Variants in NEMP2 observed in about 807,000 individuals in gnomAD.
NEMP2 encodes the protein nuclear envelope integral membrane protein 2, also known as UPF0571 transmembrane protein.
Under a neutral mutation model 54.2 loss-of-function variants are expected in NEMP2, and 53 were observed. That is an observed-to-expected ratio of 0.98 (90% CI 0.78 to 1.23). The LOEUF is 1.23. NEMP2 is among the 50% of genes most tolerant of loss of function. The probability of loss-of-function intolerance (pLI) is 0.00; values close to 1 mark genes in which losing one functional copy is unlikely to be tolerated. For missense variants in NEMP2, 455 were observed against 511.3 expected (o/e 0.89, Z 1.06); for synonymous variants, 197 against 190.3 (o/e 1.04, Z -0.29).
At chr2:190,622,076 G>C in the NEMP2 span, among the ~76,000 whole-genome samples, 1 of 152,066 alleles carries the variant, frequency 6.6e-6, no homozygotes, top group Non-Finnish European at 1.5e-5. Context: ...CTCCAGCCTG[G>C]GGAGTGAGAC....
chr2:190,602,067 T>G, the NEMP2 span, among the ~76,000 whole-genome samples: 2 of 152,178 alleles, frequency 1.3e-5, no homozygotes, highest in African/African-American at 4.8e-5. Flanking sequence ...AATATGATTT[T>G]ATTAATGTAT....
chr2:190,627,748 C>G, the NEMP2 span: 3 of 152,224 alleles, frequency 2.0e-5, no homozygotes, highest in East Asian at 5.8e-4. The surrounding 1 kb of genome is among the most constrained non-coding windows in gnomAD (Gnocchi z 4.4). Context: ...AGATGTGCCA[C>G]CAAAGAATAG....
chr2:190,468,647 C>T, the NEMP2 span, among the ~76,000 whole-genome samples: 1,187 of 142,078 alleles, frequency 8.4e-3, 12 homozygotes, highest in African/African-American at 0.029. Context: ...TTGGTAGAGA[C>T]AGGTTCTCAC....
the NEMP2 span, among the ~76,000 whole-genome samples, chr2:190,644,411 A>T: frequency 2.0e-5 from 3 of 152,282 alleles, no homozygotes; most frequent in East Asian, 3.9e-4. This position sits in a 1 kb window ranked among gnomAD's most constrained non-coding sequence, Gnocchi z 4.4. Context: ...TTTACCATTG[A>T]CTGGTCTTGT....
chr2:190,632,297 C>A, the NEMP2 span, among the ~76,000 whole-genome samples: 2 of 152,178 alleles, frequency 1.3e-5, no homozygotes, highest in East Asian at 3.9e-4. The surrounding 1 kb of genome is among the most constrained non-coding windows in gnomAD (Gnocchi z 4.8). Context: ...CCATGTAGGG[C>A]CCCAACCTGG....
the NEMP2 span, among the ~76,000 whole-genome samples, chr2:190,642,311 G>A: frequency 6.6e-6 from 1 of 152,118 alleles, no homozygotes; most frequent in Non-Finnish European, 1.5e-5. This position sits in a 1 kb window ranked among gnomAD's most constrained non-coding sequence, Gnocchi z 4.1. Context: ...TAAACTAGTT[G>A]TATGATGAAT....
At chr2:190,485,711 A>G in the NEMP2 span, among the ~76,000 whole-genome samples, 1 of 152,228 alleles carries the variant, frequency 6.6e-6, no homozygotes, top group East Asian at 1.9e-4. This position sits in a 1 kb window ranked among gnomAD's most constrained non-coding sequence, Gnocchi z 5.1. Flanking sequence ...GGGTATTGCA[A>G]TTGTTTTGCC....
the NEMP2 span, among the ~76,000 whole-genome samples, chr2:190,581,125 G>C: frequency 6.6e-6 from 1 of 152,052 alleles, no homozygotes; most frequent in Non-Finnish European, 1.5e-5. Flanking sequence ...TAAAAACCAG[G>C]AATTATGCAA....
chr2:190,450,989 T>C, the NEMP2 span, among the ~76,000 whole-genome samples: 1,105 of 152,320 alleles, frequency 7.3e-3, 8 homozygotes, highest in Middle Eastern at 0.027. Flanking sequence ...GTTATAACCA[T>C]TGGCCAAGCA....
the NEMP2 span, among the ~76,000 whole-genome samples, chr2:190,478,729 G>A: frequency 1.2e-3 from 181 of 151,628 alleles, no homozygotes; most frequent in Non-Finnish European, 2.0e-3. Context: ...GGAAGGGGAA[G>A]GCTGGGGAAT....
At chr2:190,478,621 G>C in the NEMP2 span, among the ~76,000 whole-genome samples, 54 of 152,128 alleles carry the variant, frequency 3.5e-4, no homozygotes, top group African/African-American at 1.1e-3. Context: ...ACAAATCACT[G>C]AATGATTTCA....
At chr2:190,535,585 T>G (rs1691349962), upstream of NEMP2, among the ~76,000 whole-genome samples, 1 of 152,192 alleles carries the variant, frequency 6.6e-6, no homozygotes, top group South Asian at 2.1e-4. Context: ...GTGAGATATC[T>G]TAGAGAACCC....
At chr2:190,500,364 C>T (rs988723905), downstream of NEMP2, 2 of 793,250 alleles carry the variant, frequency 2.5e-6, no homozygotes, top group Non-Finnish European at 3.9e-6. The surrounding 1 kb of genome is among the most constrained non-coding windows in gnomAD (Gnocchi z 5.3). Flanking sequence ...AACATGGAAA[C>T]ACACACACAG....
chr2:190,469,882 A>G, the NEMP2 span: 2 of 1,508,816 alleles, frequency 1.3e-6, no homozygotes, highest in Admixed American at 1.7e-5. The surrounding 1 kb of genome is among the most constrained non-coding windows in gnomAD (Gnocchi z 5.3). Flanking sequence ...GATTGAAATT[A>G]TTTCTCTGCC....
At chr2:190,643,194 C>G in the NEMP2 span, among the ~76,000 whole-genome samples, 1 of 152,030 alleles carries the variant, frequency 6.6e-6, no homozygotes, top group Admixed American at 6.5e-5. Context: ...TCCAAGGGGG[C>G]TTACTGTATA....
chr2:190,560,488 T>C, the NEMP2 span, among the ~76,000 whole-genome samples: 1 of 152,248 alleles, frequency 6.6e-6, no homozygotes, highest in Non-Finnish European at 1.5e-5. The surrounding 1 kb of genome is among the most constrained non-coding windows in gnomAD (Gnocchi z 5.4). Flanking sequence ...AATTATACTC[T>C]AACAGCATAC....
At chr2:190,599,001 A>G in the NEMP2 span, among the ~76,000 whole-genome samples, 2 of 151,982 alleles carry the variant, frequency 1.3e-5, no homozygotes, top group Admixed American at 6.6e-5. Flanking sequence ...CTTTTTCTCA[A>G]TTTGTTTCAA....
chr2:190,429,487 A>G, the NEMP2 span, among the ~76,000 whole-genome samples: 2 of 151,980 alleles, frequency 1.3e-5, no homozygotes, highest in Non-Finnish European at 2.9e-5. Context: ...CACCATGCCC[A>G]GCTAATTTTT....
rs1244349994 is a variant in NEMP2 at position 190,531,474 on chromosome 2, C to T, written c.97+3085G>A. Among the ~76,000 whole-genome samples, 1 of 152,192 alleles carries T rather than the reference C, an allele frequency of 6.6e-6. No individual in the cohort carries two copies. Among genetic ancestry groups the T allele is most frequent in the African/African-American group, 2.4e-5 (1 of 41,444 alleles). ...CAGGCTCTTTGATGCTTTCAATTAA[C>T]CTGACTTCTAGAGAACAGTATATTT... is the stretch of plus-strand genomic sequence containing the variant. On this transcript the variant is annotated intron_variant, in intron 1 of 8. Coordinates refer to ENST00000409150, the MANE Select transcript of NEMP2 (RefSeq NM_001142645.2). The surrounding 1 kb of genome is among the most constrained non-coding windows in gnomAD (Gnocchi z 4.7).
Sources: allele counts gnomAD v4.1 joint callset (sites outside exome capture counted in the v4.1 genomes callset), GRCh38; gene constraint gnomAD v4.1.1; non-coding constraint Gnocchi (gnomAD v3.1); transcripts MANE v1.5; gene names NCBI Gene and HGNC (gene_info 2026-07-23, HGNC 2026-07-21).